The following SPECC1L variants were observed in gnomAD, a reference collection of about 807,000 sequenced individuals.
SPECC1L encodes the protein sperm antigen with calponin homology and coiled-coil domains 1 like, also known as cytospin-A.
In SPECC1L, 40 loss-of-function variants were observed where a neutral mutation model predicts 116.8. That is an observed-to-expected ratio of 0.34 (90% CI 0.27 to 0.45). The LOEUF is 0.45. Ranked by LOEUF, SPECC1L falls within the 20% of genes least tolerant of loss-of-function variation. The pLI is 1.00. For missense variants in SPECC1L, 1,110 were observed against 1,373.6 expected (o/e 0.81, Z 3.03); for synonymous variants, 504 against 500.6 (o/e 1.01, Z -0.09).
chr22:24,295,794 A>T (rs1392185005), intron 2 of SPECC1L, among the ~76,000 whole-genome samples: 1 of 152,120 alleles, frequency 6.6e-6, no homozygotes, highest in East Asian at 1.9e-4. Context: ...GTAAAAATAC[A>T]AAAATTAGCC....
chr22:24,305,501 C>G (rs1460144941), intron 3 of SPECC1L, among the ~76,000 whole-genome samples: 2 of 151,984 alleles, frequency 1.3e-5, no homozygotes, highest in Non-Finnish European at 2.9e-5. Context: ...ACTTCCTTTT[C>G]ATTGTTGGTT....
intron 2 of SPECC1L, among the ~76,000 whole-genome samples, chr22:24,284,821 A>T (rs2049011540): frequency 6.6e-6 from 1 of 152,216 alleles, no homozygotes; most frequent in Non-Finnish European, 1.5e-5. Context: ...GGACAATTTG[A>T]AAGAATACAG....
chr22:24,343,280 G>A (rs1358394175), intron 10 of SPECC1L, among the ~76,000 whole-genome samples: 2 of 152,060 alleles, frequency 1.3e-5, no homozygotes, highest in African/African-American at 4.8e-5. Flanking sequence ...AAGAAAATCA[G>A]GAAGCTAAAG....
intron 1 of SPECC1L, among the ~76,000 whole-genome samples, chr22:24,273,391 ATCTTT>A (rs2048768190): frequency 6.6e-6 from 1 of 152,238 alleles, no homozygotes; most frequent in Admixed American, 6.5e-5. Context: ...TTGAAGGACT[ATCTTT>A]TCTTTAAAAA....
intron 14 of SPECC1L, among the ~76,000 whole-genome samples, chr22:24,372,568 T>G (rs1467182821): frequency 6.6e-6 from 1 of 152,118 alleles, no homozygotes; most frequent in Admixed American, 6.5e-5. Flanking sequence ...TTGACAAAAT[T>G]CAACAACACT....
At chr22:24,353,529 C>A (rs1013347697) in intron 11 of SPECC1L, among the ~76,000 whole-genome samples, 1 of 152,034 alleles carries the variant, frequency 6.6e-6, no homozygotes, top group African/African-American at 2.4e-5. Context: ...TTTAGCCTCC[C>A]GAGTAGCTGG....
chr22:24,272,358 C>G (rs538467469), intron 1 of SPECC1L, among the ~76,000 whole-genome samples: 64 of 151,922 alleles, frequency 4.2e-4, no homozygotes, highest in African/African-American at 1.4e-3. Context: ...GAGCGAGGCT[C>G]CGTCTCAAAA....
rs544075738 is a variant in SPECC1L, at chr22:24,368,046, C to G, written c.2985-1172C>G. 4.6e-5 allele frequency among the ~76,000 whole-genome samples: 7 copies of G among 152,300 alleles called. No individual in the cohort carries two copies. The East Asian group carries it at 1.2e-3, about 25-fold the overall frequency. On this transcript the variant is annotated intron_variant, in intron 13 of 16. Coordinates refer to ENST00000314328, the MANE Select transcript of SPECC1L (RefSeq NM_015330.6). ...GTGCAGAATGAGTAGAATTGGAAGT[C>G]TTCCCTGCCCCTTCACCAGGGGTGA...
intron 3 of SPECC1L, among the ~76,000 whole-genome samples, chr22:24,308,654 CT>C (rs35405534): frequency 0.55 from 83,687 of 151,822 alleles, 23,389 homozygotes; most frequent in African/African-American, 0.63. Context: ...TATATCTATC[CT>C]TTTTTTTACT....
At chr22:24,349,979 T>C (rs1337430783) in intron 11 of SPECC1L, among the ~76,000 whole-genome samples, 2 of 152,142 alleles carry the variant, frequency 1.3e-5, no homozygotes, top group Admixed American at 6.6e-5. Flanking sequence ...CTCAGGGGCC[T>C]CCAGACCCTC....
rs1473763930 is a variant in SPECC1L at position 24,322,434 on chromosome 22, G to A, written c.1454G>A (p.Ser485Asn). The change falls in exon 5 of 17, where the codon AGT (serine) becomes AAT (asparagine). Residue 485 changes from serine to asparagine, a missense_variant. By Grantham distance (46) the Ser-to-Asn change is conservative (BLOSUM62 1). Around this residue, in one of 4 missense-constraint regions of SPECC1L, gnomAD observed 575 missense variants for 682.4 expected, o/e 0.84. Coordinates refer to ENST00000314328, the MANE Select transcript of SPECC1L (RefSeq NM_015330.6). The stretch of plus-strand genomic sequence containing the variant: ...TATGTCATAGATGAAGATGTAAAAA[G>A]TGGGCGCTATATGGAATTAGAGCAA... Reference protein sequence around the residue: ...ISYVIDEDVKSGRYMELEQRY... With the variant: ...ISYVIDEDVKNGRYMELEQRY... 6.2e-7 allele frequency: 1 copy of A among 1,614,208 alleles called. No homozygotes were observed. The highest frequency in any genetic ancestry group is 1.7e-5 in the Admixed American group (1 of 60,028).
intron 16 of SPECC1L, among the ~76,000 whole-genome samples, chr22:24,414,117 C>T (rs929853534): frequency 6.6e-6 from 1 of 152,168 alleles, no homozygotes; most frequent in Admixed American, 6.5e-5. Context: ...TGGTGAAGGC[C>T]GTCAGAGTGT....
At position 24,322,688 on chromosome 22, in the gene SPECC1L, G is replaced by A. The variant is rs1333006531; in HGVS notation, c.1708G>A (p.Ala570Thr). Reference protein sequence around the residue: ...ATLEEYKATVASDQIEMNRLK... With the variant: ...ATLEEYKATVTSDQIEMNRLK... ...GTTAGAGGAATACAAAGCCACAGTG[G>A]CCAGTGACCAGATAGAGATGAATCG... is the stretch of plus-strand genomic sequence containing the variant. The change falls in exon 5 of 17, where the codon GCC (alanine) becomes ACC (threonine). Residue 570 changes from alanine (A) to threonine (T), a missense_variant. Around this residue, in one of 4 missense-constraint regions of SPECC1L, gnomAD observed 575 missense variants for 682.4 expected, o/e 0.84. Coordinates refer to ENST00000314328, the MANE Select transcript of SPECC1L (RefSeq NM_015330.6). The A allele has an allele frequency of 2.5e-6, 4 of 1,607,098 alleles. No individual in the cohort carries two copies. Among genetic ancestry groups the A allele is most frequent in the Non-Finnish European group, 3.4e-6 (4 of 1,177,250 alleles).
chr22:24,331,440 CTTTA>C (rs1457728213), intron 8 of SPECC1L, among the ~76,000 whole-genome samples: 1 of 152,052 alleles, frequency 6.6e-6, no homozygotes, highest in African/African-American at 2.4e-5. Context: ...ACTTTTTTCT[CTTTA>C]TTATTAAACG....
At chr22:24,403,555 T>C (rs565965681) in intron 14 of SPECC1L, among the ~76,000 whole-genome samples, 11 of 152,266 alleles carry the variant, frequency 7.2e-5, no homozygotes, top group Non-Finnish European at 8.8e-5. Flanking sequence ...CTGGCCTCCA[T>C]CAGAAGCTGT....
At chr22:24,405,549 T>C in intron 14 of SPECC1L, among the ~76,000 whole-genome samples, 1 of 151,828 alleles carries the variant, frequency 6.6e-6, no homozygotes, top group Non-Finnish European at 1.5e-5. Context: ...ACCCTAAAAA[T>C]ACCTTACAGG....
chr22:24,353,884 C>T (rs1474302530), intron 11 of SPECC1L, among the ~76,000 whole-genome samples: 1 of 152,144 alleles, frequency 6.6e-6, no homozygotes, highest in Non-Finnish European at 1.5e-5. Flanking sequence ...TTAGTCCATT[C>T]TTGGATTGCT....
intron 14 of SPECC1L, among the ~76,000 whole-genome samples, chr22:24,383,491 A>AAC (rs571742488): frequency 1.1e-3 from 174 of 152,312 alleles, no homozygotes; most frequent in African/African-American, 3.9e-3. Flanking sequence ...AATGAGTAAC[A>AAC]AGAAAAGAAG....
intron 2 of SPECC1L, among the ~76,000 whole-genome samples, chr22:24,293,238 G>A (rs1203163502): frequency 1.3e-5 from 2 of 151,218 alleles, no homozygotes; most frequent in Non-Finnish European, 2.9e-5. Context: ...GTCGAATCAT[G>A]AGGTCAGGAG....
Sources: gnomAD v4.1 joint callset for allele counts (sites outside exome capture counted in the v4.1 genomes callset) on GRCh38, gnomAD v4.1.1 for gene constraint, gnomAD v4.1.1 regional missense constraint, MANE v1.5 for transcripts, NCBI Gene and HGNC (gene_info 2026-07-23, HGNC 2026-07-21) for gene names.